Variants in MRM2 observed in about 807,000 individuals in gnomAD.
MRM2 encodes the protein rRNA methyltransferase 2, mitochondrial.
In MRM2, 15 loss-of-function variants were observed where a neutral mutation model predicts 10.9. The ratio of observed to expected loss-of-function variants is 1.37; its 90% CI spans 0.92 to 2.11. MRM2 has a LOEUF of 2.11. MRM2 is among the 30% of genes most tolerant of loss of function. MRM2 has a pLI of 0.00. For synonymous variants in MRM2, 139 were observed against 128.7 expected (o/e 1.08, Z -0.54); for missense variants, 328 against 321.3 (o/e 1.02, Z -0.16).
rs1408176385 is a variant in MRM2, at chr7:2,242,165, G to T, written c.5C>A (p.Ala2Glu). The change falls in exon 1 of 3, where the codon GCG (alanine) becomes GAG (glutamate). Residue 2 changes from alanine to glutamate, a missense_variant. By Grantham distance (107) the Ala-to-Glu change is moderately radical (BLOSUM62 -1). Coordinates refer to ENST00000242257, the MANE Select transcript of MRM2 (RefSeq NM_013393.3). The part of the protein sequence containing the change: M[A>E]GYLKLVCVSF... ...GCAGCAGCAGCGCCCAGCTCACCCC[G>T]CCATTGGTGTTCCCCGCGCCTGCAG... The T allele has an allele frequency of 6.3e-7, 1 of 1,588,644 alleles. No individual in the cohort carries two copies. The highest frequency in any genetic ancestry group is 1.1e-5 in the South Asian group (1 of 88,534).
Position 2,242,182 on chromosome 7 carries a change from C to A in MRM2, c.-13G>T, listed in dbSNP as rs374010410. The A allele has an allele frequency of 1.9e-6, 3 of 1,579,814 alleles. No individual in the cohort carries two copies. Among genetic ancestry groups the A allele is most frequent in the Non-Finnish European group, 1.7e-6 (2 of 1,168,360 alleles). On this transcript the variant is annotated 5_prime_UTR_variant, in exon 1 of 3. Coordinates refer to ENST00000242257, the MANE Select transcript of MRM2 (RefSeq NM_013393.3). ...CTCACCCCGCCATTGGTGTTCCCCG[C>A]GCCTGCAGCGCGCCGCCGGAAGTGC...
At position 2,234,544 on chromosome 7, in the gene MRM2, G is replaced by GA. The variant is rs1349826327; in HGVS notation, c.*577_*578insT. On this transcript the variant is annotated 3_prime_UTR_variant, in exon 3 of 3. Coordinates refer to ENST00000242257, the MANE Select transcript of MRM2 (RefSeq NM_013393.3). ...TGGTTTTTCATTTTTGTAGACATGG[G>GA]GGGTGTTGCTATGTTGCCCAGGTTG... The GA allele has an allele frequency of 6.6e-6, 1 of 152,520 alleles. No individual in the cohort carries two copies. The highest frequency in any genetic ancestry group is 1.5e-5 in the Non-Finnish European group (1 of 68,356). 9.4% of individuals were successfully genotyped at this position (152,520 alleles called of 1,614,324 possible).
In MRM2 at chr7:2,234,549, G is replaced by A. The variant is rs943041331; in HGVS notation, c.*573C>T. The A allele has an allele frequency of 2.6e-5, 4 of 152,856 alleles. No individual in the cohort carries two copies. The highest frequency in any genetic ancestry group is 9.7e-5 in the African/African-American group (4 of 41,422). The allele number at this position is 152,856 out of a possible 1,614,324, so 9.5% of individuals were successfully genotyped here. A position where few individuals can be genotyped will look rare whatever the true frequency, so the allele number is the denominator to read the frequency against. On this transcript the variant is annotated 3_prime_UTR_variant, in exon 3 of 3. Transcript: ENST00000242257. ...TTTCATTTTTGTAGACATGGGGGGT[G>A]TTGCTATGTTGCCCAGGTTGGTCTT...
At position 2,235,295 on chromosome 7, in the gene MRM2, TC is replaced by T; in HGVS notation, c.567del (p.Thr190HisfsTer19). On this transcript the variant is annotated frameshift_variant, in exon 3 of 3. Transcript: ENST00000242257. LOFTEE classifies it low-confidence loss of function (END_TRUNC). ...SVTPDILQPG[G>X]TFLCKTWAGS... ...CCAGCCCAGGTTTTACAAAGGAATG[TC>T]CCCCCAGGTTGCAGGATGTCTGGGG... is the stretch of plus-strand genomic sequence containing the variant. 6.2e-7 allele frequency: 1 copy of T among 1,613,976 alleles called. No individual in the cohort carries two copies. The highest frequency in any genetic ancestry group is 8.5e-7 in the Non-Finnish European group (1 of 1,179,998).
rs199528932 is a variant in MRM2 at position 2,235,376 on chromosome 7, G to T, written c.487C>A (p.Arg163=). Residue 163 remains arginine (R), a synonymous_variant, in exon 3 of 3, where the codon CGG becomes AGG. Coordinates refer to ENST00000242257, the MANE Select transcript of MRM2 (RefSeq NM_013393.3). ...SDMAPNATGF[R]DLDHDRLISL... is the part of the protein sequence containing the mutation. ...ATGAGCCTGTCATGATCGAGGTCCCGGAACCCTGTGGCATTGGGCGCCATG... is the reference window on the plus strand; with the variant it reads ...ATGAGCCTGTCATGATCGAGGTCCCTGAACCCTGTGGCATTGGGCGCCATG... The T allele has an allele frequency of 1.2e-6, 2 of 1,613,928 alleles. No individual in the cohort carries two copies. Among genetic ancestry groups the T allele is most frequent in the Admixed American group, 1.7e-5 (1 of 59,988 alleles).
intron 1 of MRM2, among the ~76,000 whole-genome samples, chr7:2,241,618 T>C (rs561155297): frequency 6.6e-6 from 1 of 152,222 alleles, no homozygotes; most frequent in South Asian, 2.1e-4. Context: ...TCCATCTTTC[T>C]GATTTAAATA....
At chr7:2,236,229 CAAAAGAAAAAGAAAAAGA>C (rs373214324) in intron 2 of MRM2, among the ~76,000 whole-genome samples, 1 of 151,854 alleles carries the variant, frequency 6.6e-6, no homozygotes. Context: ...GACTCGATCT[CAAAAGAAAAAGAAAAAGA>C]AAAAGAAAAT....
In MRM2 at chr7:2,235,368, G is replaced by A. The variant is rs193099124; in HGVS notation, c.495C>T (p.Leu165=). ...MAPNATGFRD[L]DHDRLISLCL... is the part of the protein sequence containing the mutation. ...ACAGGCTGATGAGCCTGTCATGATCGAGGTCCCGGAACCCTGTGGCATTGG... is the reference window on the plus strand; with the variant it reads ...ACAGGCTGATGAGCCTGTCATGATCAAGGTCCCGGAACCCTGTGGCATTGG... The change falls in exon 3 of 3, where the codon CTC becomes CTT. Residue 165 remains leucine, a synonymous_variant. Coordinates refer to ENST00000242257, the MANE Select transcript of MRM2 (RefSeq NM_013393.3). 2.0e-5 allele frequency: 32 copies of A among 1,614,106 alleles called. No individual in the cohort carries two copies. In the African/African-American group the frequency reaches 2.4e-4, roughly 12 times the overall value.
chr7:2,234,348 G>A lies in MRM2; in HGVS notation c.*774C>T, dbSNP rs1368291831. On this transcript the variant is annotated 3_prime_UTR_variant, in exon 3 of 3. Coordinates refer to ENST00000242257, the MANE Select transcript of MRM2 (RefSeq NM_013393.3). ...GCCCAGACACTGATATAAATTTCCA[G>A]CAAAAACCAAAGCAGACCCACTGCC... The A allele has an allele frequency of 2.0e-5, 3 of 152,078 alleles. No individual in the cohort carries two copies. Among genetic ancestry groups the A allele is most frequent in the Non-Finnish European group, 2.9e-5 (2 of 68,026 alleles). 9.4% of individuals were successfully genotyped at this position (152,078 alleles called of 1,614,324 possible). A position where few individuals can be genotyped will look rare whatever the true frequency, so the allele number is the denominator to read the frequency against.
At chr7:2,242,023 G>T in intron 1 of MRM2, 139 bp downstream of exon 1, 1 of 889,014 alleles carries the variant, frequency 1.1e-6, no homozygotes, top group Non-Finnish European at 1.6e-6. Context: ...TCCTGGCCTC[G>T]CCCCTGTCGC....
rs374150448 is a variant in MRM2, at chr7:2,235,372, T to G, written c.491A>C (p.Asp164Ala). ...DMAPNATGFR[D>A]LDHDRLISLC... ...GCTGATGAGCCTGTCATGATCGAGG[T>G]CCCGGAACCCTGTGGCATTGGGCGC... The change falls in exon 3 of 3, where the codon GAC (aspartate) becomes GCC (alanine). Residue 164 changes from aspartate (D) to alanine (A), a missense_variant. Physicochemically the swap from Asp to Ala is moderately radical, Grantham distance 126 (BLOSUM62 -2). Transcript: ENST00000242257. 46 of 1,613,848 alleles carry G rather than the reference T, an allele frequency of 2.9e-5. No individual in the cohort carries two copies. The highest frequency in any genetic ancestry group is 4.0e-5 in the African/African-American group (3 of 74,852).
rs1378456690 is a variant in MRM2 at position 2,242,190 on chromosome 7, G to A, written c.-21C>T. On this transcript the variant is annotated 5_prime_UTR_variant, in exon 1 of 3. Transcript: ENST00000242257. ...GCCATTGGTGTTCCCCGCGCCTGCA[G>A]CGCGCCGCCGGAAGTGCCTGGCCTC... is the stretch of plus-strand genomic sequence containing the variant. 6.3e-7 allele frequency: 1 copy of A among 1,575,356 alleles called. No individual in the cohort carries two copies. Among genetic ancestry groups the A allele is most frequent in the African/African-American group, 1.4e-5 (1 of 72,804 alleles).
intron 2 of MRM2, among the ~76,000 whole-genome samples, chr7:2,237,042 T>TGA: frequency 6.6e-6 from 1 of 152,276 alleles, no homozygotes; most frequent in African/African-American, 2.4e-5. Flanking sequence ...TGTGTGTGTG[T>TGA]GAGACAAGGC....
At chr7:2,241,633 A>C (rs1203051480) in intron 1 of MRM2, among the ~76,000 whole-genome samples, 1 of 152,158 alleles carries the variant, frequency 6.6e-6, no homozygotes, top group Non-Finnish European at 1.5e-5. Context: ...TAAATAAATA[A>C]ATAAAAGTTA....
chr7:2,240,998 TTC>T (rs1491471481), intron 1 of MRM2, among the ~76,000 whole-genome samples: 6 of 145,234 alleles, frequency 4.1e-5, no homozygotes, highest in Non-Finnish European at 7.6e-5. Flanking sequence ...ACCCAGGCAT[TTC>T]TTTCTTCTTT....
chr7:2,241,782 C>T (rs1365855977), intron 1 of MRM2, among the ~76,000 whole-genome samples: 1 of 152,240 alleles, frequency 6.6e-6, no homozygotes, highest in Non-Finnish European at 1.5e-5. Flanking sequence ...ATGGCACAAG[C>T]CGGTCCCGGG....
chr7:2,242,137 C>T (rs1448691630), intron 1 of MRM2, 25 bp downstream of exon 1: 2 of 1,583,090 alleles, frequency 1.3e-6, no homozygotes, highest in South Asian at 2.3e-5. Flanking sequence ...GCTGTCTGCA[C>T]GCGCAGCAGC....
At chr7:2,237,013 ATCTTTGTGTG>A (rs764809775) in intron 2 of MRM2, among the ~76,000 whole-genome samples, 12 of 148,742 alleles carry the variant, frequency 8.1e-5, no homozygotes, top group South Asian at 6.3e-4. Flanking sequence ...TCAGCAAGTT[ATCTTTGTGTG>A]TCTTTGTGTG....
chr7:2,236,921 A>G (rs745480458), intron 2 of MRM2, among the ~76,000 whole-genome samples: 4 of 152,216 alleles, frequency 2.6e-5, no homozygotes, highest in Non-Finnish European at 5.9e-5. Flanking sequence ...TGCTGAGATC[A>G]GTTATAGGCA....
Sources: allele counts gnomAD v4.1 joint callset (sites outside exome capture counted in the v4.1 genomes callset), GRCh38; gene constraint gnomAD v4.1.1; transcripts MANE v1.5; gene names NCBI Gene and HGNC (gene_info 2026-07-23, HGNC 2026-07-21).